Variants in LUZP2 observed in about 807,000 individuals in gnomAD.
LUZP2 encodes the protein leucine zipper protein 2.
Under a neutral mutation model 51.6 loss-of-function variants are expected in LUZP2, and 52 were observed. The ratio of observed to expected loss-of-function variants is 1.01; its 90% CI spans 0.81 to 1.27. The LOEUF is 1.27. Among genes scored for constraint, LUZP2 ranks in the 50% most tolerant of loss-of-function variants. LUZP2 has a pLI of 0.00. For missense variants in LUZP2, 436 were observed against 395.4 expected, an observed-to-expected ratio of 1.10 and a Z score of -0.87; for synonymous variants, 154 against 137.3, an observed-to-expected ratio of 1.12 and a Z score of -0.85.
intron 4 of LUZP2, among the ~76,000 whole-genome samples, chr11:24,759,345 G>A (rs10450584): frequency 0.29 from 43,417 of 151,982 alleles, 6,670 homozygotes; most frequent in East Asian, 0.43. Flanking sequence ...ACTATCAATA[G>A]GAATGCTTAT....
In LUZP2 at chr11:24,543,823, C is replaced by CAAA. The variant is rs71041774; in HGVS notation, c.62+46538_62+46540dup. ...GGTGACAGACTGAGACTCTGTCTCA[C>CAAA]AAAAAAAAAAAAAAAAAAAAAAGAT... On this transcript the variant is annotated intron_variant, in intron 1 of 11. Coordinates refer to ENST00000336930, the MANE Select transcript of LUZP2 (RefSeq NM_001009909.4). 7.0e-3 allele frequency among the ~76,000 whole-genome samples: 520 copies of CAAA among 74,450 alleles called. 13 individuals carry two copies. Among genetic ancestry groups the CAAA allele is most frequent in the East Asian group, 0.011 (24 of 2,178 alleles). The allele number at this position is 74,450 out of a possible 152,430, so 48.8% of individuals were successfully genotyped here.
At chr11:24,829,734 G>C (rs1438029731) in intron 5 of LUZP2, among the ~76,000 whole-genome samples, 1 of 152,198 alleles carries the variant, frequency 6.6e-6, no homozygotes, top group Admixed American at 6.5e-5. Flanking sequence ...TTTCCAGAGA[G>C]AAACTTGAGT....
At chr11:24,498,432 G>A (rs1849895597) in intron 1 of LUZP2, among the ~76,000 whole-genome samples, 1 of 152,122 alleles carries the variant, frequency 6.6e-6, no homozygotes, top group African/African-American at 2.4e-5. Flanking sequence ...CTTCTTTCAG[G>A]CCTGTGTAAC....
At chr11:24,587,360 G>T (rs996594766) in intron 1 of LUZP2, among the ~76,000 whole-genome samples, 1 of 152,086 alleles carries the variant, frequency 6.6e-6, no homozygotes, top group African/African-American at 2.4e-5. Context: ...TCCCTATCTG[G>T]AATTATTTTT....
chr11:24,876,546 T>C (rs1852269689), intron 5 of LUZP2, among the ~76,000 whole-genome samples: 2 of 148,228 alleles, frequency 1.3e-5, no homozygotes, highest in African/African-American at 5.0e-5. Flanking sequence ...CCTCCAGCTT[T>C]GTTCTTTTGG....
chr11:25,030,779 G>T (rs1857622605), intron 9 of LUZP2, among the ~76,000 whole-genome samples: 2 of 146,696 alleles, frequency 1.4e-5, no homozygotes, highest in Admixed American at 1.4e-4. Context: ...TTTACCTATT[G>T]CTTTATAAGT....
At chr11:24,625,310 T>A (rs1854638944) in intron 1 of LUZP2, among the ~76,000 whole-genome samples, 1 of 148,664 alleles carries the variant, frequency 6.7e-6, no homozygotes, top group Admixed American at 6.8e-5. Context: ...ATACTTGAAA[T>A]TTGACAAGAG....
chr11:24,697,057 G>A lies in LUZP2; in HGVS notation c.63-32112G>A, dbSNP rs182570493. ...ATGGATTAAATATGAAATTAGGCAA[G>A]GTCTAAATGATTAAGGTCTGTTAAG... On this transcript the variant is annotated intron_variant, in intron 1 of 11. Coordinates refer to ENST00000336930, the MANE Select transcript of LUZP2 (RefSeq NM_001009909.4). 1.3e-4 allele frequency among the ~76,000 whole-genome samples: 20 copies of A among 152,158 alleles called. No individual in the cohort carries two copies. The East Asian group carries it at 3.7e-3, about 28-fold the overall frequency.
At chr11:24,687,646 C>T (rs1394558379) in intron 1 of LUZP2, among the ~76,000 whole-genome samples, 2 of 152,136 alleles carry the variant, frequency 1.3e-5, no homozygotes, top group Non-Finnish European at 2.9e-5. Flanking sequence ...GCAAACTTGG[C>T]ACCCCTACTT....
chr11:24,922,567 ATTTAT>A (rs1411266845), intron 7 of LUZP2, among the ~76,000 whole-genome samples: 1 of 152,190 alleles, frequency 6.6e-6, no homozygotes, highest in African/African-American at 2.4e-5. Context: ...ACAAGTGTGA[ATTTAT>A]TTCCAGTTAA....
intron 5 of LUZP2, among the ~76,000 whole-genome samples, chr11:24,848,258 T>C (rs532883031): frequency 6.6e-6 from 1 of 152,324 alleles, no homozygotes; most frequent in Non-Finnish European, 1.5e-5. Context: ...AACCTACAGA[T>C]CTAATCCAAC....
chr11:24,921,908 A>C (rs1006768967), intron 7 of LUZP2, among the ~76,000 whole-genome samples: 1 of 152,130 alleles, frequency 6.6e-6, no homozygotes, highest in Non-Finnish European at 1.5e-5. Flanking sequence ...CCCTCAACAC[A>C]ACCCCTATGA....
intron 1 of LUZP2, among the ~76,000 whole-genome samples, chr11:24,594,273 G>T (rs1333996178): frequency 6.6e-6 from 1 of 152,146 alleles, no homozygotes; most frequent in Non-Finnish European, 1.5e-5. Context: ...AATGACTTCA[G>T]ATCTTGGGCA....
At chr11:24,609,220 A>C (rs1281141864) in intron 1 of LUZP2, among the ~76,000 whole-genome samples, 1 of 152,180 alleles carries the variant, frequency 6.6e-6, no homozygotes, top group East Asian at 1.9e-4. Flanking sequence ...CTACCTTACC[A>C]GCCTACTGCC....
At chr11:24,873,583 T>C (rs1166598005) in intron 5 of LUZP2, among the ~76,000 whole-genome samples, 2 of 152,156 alleles carry the variant, frequency 1.3e-5, no homozygotes, top group Non-Finnish European at 2.9e-5. Flanking sequence ...CTCTGATAAA[T>C]TGCAGGCACT....
intron 9 of LUZP2, among the ~76,000 whole-genome samples, chr11:25,018,233 G>A (rs1050522928): frequency 6.6e-6 from 1 of 152,126 alleles, no homozygotes; most frequent in Non-Finnish European, 1.5e-5. Context: ...TTCTAGGTAT[G>A]CAACCATGGC....
intron 7 of LUZP2, among the ~76,000 whole-genome samples, chr11:24,924,281 T>C (rs1277946199): frequency 1.3e-5 from 2 of 152,128 alleles, no homozygotes; most frequent in Non-Finnish European, 2.9e-5. Context: ...TTTCACCATG[T>C]TGGCAAGGAT....
chr11:24,540,412 A>G (rs370703084), intron 1 of LUZP2, among the ~76,000 whole-genome samples: 1 of 152,116 alleles, frequency 6.6e-6, no homozygotes, highest in Non-Finnish European at 1.5e-5. Context: ...TAATAACCTA[A>G]TAAGAATAGA....
At chr11:24,661,209 T>C (rs532699452) in intron 1 of LUZP2, among the ~76,000 whole-genome samples, 1 of 152,310 alleles carries the variant, frequency 6.6e-6, no homozygotes, top group East Asian at 1.9e-4. Flanking sequence ...CATGTATTTT[T>C]ACCTTATTTC....
Sources: allele counts gnomAD v4.1 joint callset (sites outside exome capture counted in the v4.1 genomes callset), GRCh38; gene constraint gnomAD v4.1.1; transcripts MANE v1.5; gene names NCBI Gene and HGNC (gene_info 2026-07-23, HGNC 2026-07-21).